The following TUSC3 variants were observed in gnomAD, a reference collection of about 807,000 sequenced individuals.
TUSC3 encodes the protein tumor suppressor candidate 3.
A neutral mutation model predicts 44.8 loss-of-function variants in TUSC3; 45 were observed. The observed-to-expected ratio is 1.00, with a 90% CI of 0.79 to 1.29. The LOEUF is 1.29. TUSC3 is among the 50% of genes most tolerant of loss of function. The probability of loss-of-function intolerance (pLI) is 0.00; values close to 1 mark genes in which losing one functional copy is unlikely to be tolerated. For missense variants in TUSC3, 519 were observed against 437.9 expected (o/e 1.19, Z -1.65); for synonymous variants, 212 against 152.9 (o/e 1.39, Z -2.85).
chr8:15,600,638 G>C (rs184760363), intron 1 of TUSC3, among the ~76,000 whole-genome samples: 136 of 151,724 alleles, frequency 9.0e-4, no homozygotes, highest in African/African-American at 3.2e-3. Context: ...ACGAACATTT[G>C]AGGAGGTAAC....
chr8:15,795,713 G>A, the TUSC3 span, among the ~76,000 whole-genome samples: 69 of 152,366 alleles, frequency 4.5e-4, no homozygotes, highest in Non-Finnish European at 6.5e-4. Flanking sequence ...GCCCCAGGTA[G>A]TACCCACATC....
intron 1 of TUSC3, among the ~76,000 whole-genome samples, chr8:15,457,848 TCTAA>T (rs1800279472): frequency 2.6e-5 from 1 of 38,820 alleles, no homozygotes; most frequent in Non-Finnish European, 7.7e-5. Flanking sequence ...AGATTAATTA[TCTAA>T]TAATTATCTA....
intron 1 of TUSC3, among the ~76,000 whole-genome samples, chr8:15,581,645 G>A (rs566990213): frequency 0.016 from 2,362 of 149,500 alleles, 72 homozygotes; most frequent in African/African-American, 0.055. Context: ...TCAGGGGTCA[G>A]GGACCCACTT....
chr8:15,453,308 C>G (rs1377296271), intron 1 of TUSC3, among the ~76,000 whole-genome samples: 1 of 152,104 alleles, frequency 6.6e-6, no homozygotes, highest in Admixed American at 6.6e-5. Context: ...AACTCTTCTT[C>G]CTAAATTACT....
At chr8:15,700,491 A>G (rs1809351005) in intron 6 of TUSC3, among the ~76,000 whole-genome samples, 1 of 150,834 alleles carries the variant, frequency 6.6e-6, no homozygotes, top group African/African-American at 2.4e-5. Context: ...ATATTGTAGG[A>G]AAAAAATTAA....
At chr8:15,627,568 C>T (rs1264110285) in intron 2 of TUSC3, among the ~76,000 whole-genome samples, 4 of 152,232 alleles carry the variant, frequency 2.6e-5, no homozygotes, top group African/African-American at 2.4e-5. Flanking sequence ...ATAGCTGTGG[C>T]CCTTTGGGGA....
At chr8:15,692,411 A>T (rs1443015435) in intron 6 of TUSC3, among the ~76,000 whole-genome samples, 1 of 95,512 alleles carries the variant, frequency 1.0e-5, no homozygotes. Flanking sequence ...CAATAGTTTC[A>T]GTGGGAATGG....
chr8:15,706,888 A>C (rs1230506584), intron 6 of TUSC3, among the ~76,000 whole-genome samples: 1 of 151,946 alleles, frequency 6.6e-6, no homozygotes, highest in African/African-American at 2.4e-5. Flanking sequence ...TTGGGAAGTT[A>C]AGTTGTAGGG....
chr8:15,567,950 T>G (rs975824315), intron 1 of TUSC3, among the ~76,000 whole-genome samples: 1 of 152,172 alleles, frequency 6.6e-6, no homozygotes, highest in Non-Finnish European at 1.5e-5. Context: ...TTGTCCTCTG[T>G]AGGCCTCCAC....
intron 2 of TUSC3, among the ~76,000 whole-genome samples, chr8:15,638,275 C>A (rs542592622): frequency 3.3e-5 from 5 of 151,962 alleles, no homozygotes; most frequent in Non-Finnish European, 7.4e-5. Context: ...TGTTAATTTC[C>A]TCACTTCCAT....
the TUSC3 span, among the ~76,000 whole-genome samples, chr8:15,812,533 G>T: frequency 6.6e-6 from 1 of 152,072 alleles, no homozygotes. Context: ...TAGGTCACAG[G>T]TTTCATCTAC....
the TUSC3 span, among the ~76,000 whole-genome samples, chr8:15,832,678 A>C: frequency 6.6e-6 from 1 of 152,196 alleles, no homozygotes; most frequent in Non-Finnish European, 1.5e-5. Context: ...AGACCAAAGA[A>C]GGCAAAGAAG....
intron 2 of TUSC3, among the ~76,000 whole-genome samples, chr8:15,511,603 C>G (rs1350474051): frequency 6.6e-6 from 1 of 152,136 alleles, no homozygotes; most frequent in Non-Finnish European, 1.5e-5. Context: ...GGTGCAGTAG[C>G]TCACGCCTGT....
At chr8:15,463,896 C>T (rs950152436) in intron 1 of TUSC3, among the ~76,000 whole-genome samples, 3 of 152,156 alleles carry the variant, frequency 2.0e-5, no homozygotes, top group Non-Finnish European at 4.4e-5. Context: ...ATTTCCTTCC[C>T]ATAGAGGTTT....
At chr8:15,683,080 A>G (rs918525759) in intron 6 of TUSC3, among the ~76,000 whole-genome samples, 1 of 151,512 alleles carries the variant, frequency 6.6e-6, no homozygotes, top group Non-Finnish European at 1.5e-5. Context: ...TGCCTTTAAG[A>G]TTTTTTCTTT....
chr8:15,575,577 G>A (rs2129144676), intron 1 of TUSC3, among the ~76,000 whole-genome samples: 1 of 152,202 alleles, frequency 6.6e-6, no homozygotes, highest in East Asian at 1.9e-4. Context: ...GATCAGCCTG[G>A]CCAACATGGT....
At chr8:15,578,849 T>G (rs1585119934) in intron 1 of TUSC3, among the ~76,000 whole-genome samples, 1 of 152,094 alleles carries the variant, frequency 6.6e-6, no homozygotes, top group South Asian at 2.1e-4. Context: ...TTAGGGAGGA[T>G]TCCCTCTTTT....
At chr8:15,620,699 G>C (rs922064710) in intron 1 of TUSC3, among the ~76,000 whole-genome samples, 1 of 152,060 alleles carries the variant, frequency 6.6e-6, no homozygotes, top group Non-Finnish European at 1.5e-5. Flanking sequence ...CTATTCCTCT[G>C]TGAGGAATTT....
chr8:15,715,778 A>G (rs769726582), intron 6 of TUSC3, among the ~76,000 whole-genome samples: 20 of 152,154 alleles, frequency 1.3e-4, no homozygotes, highest in Non-Finnish European at 2.2e-4. Flanking sequence ...CATAAATGCA[A>G]AACTCGTGGG....
Sources: gnomAD v4.1 joint callset for allele counts (sites outside exome capture counted in the v4.1 genomes callset) on GRCh38, gnomAD v4.1.1 for gene constraint, MANE v1.5 for transcripts, NCBI Gene and HGNC (gene_info 2026-07-23, HGNC 2026-07-21) for gene names.